The following CPA6 variants were observed in gnomAD, a reference collection of about 807,000 sequenced individuals.
The protein encoded by CPA6 is carboxypeptidase A6.
Under a neutral mutation model 63.3 loss-of-function variants are expected in CPA6, and 58 were observed. That is an observed-to-expected ratio of 0.92 (90% confidence interval 0.74 to 1.14). The LOEUF (loss-of-function observed/expected upper bound fraction) is 1.14, where lower values mean the gene tolerates loss of function less well. Among genes scored for constraint, CPA6 ranks in the 50% most tolerant of loss-of-function variants. The pLI is 0.00. For missense variants in CPA6, 565 were observed against 526.6 expected (o/e 1.07, Z -0.71); for synonymous variants, 185 against 179.0 (o/e 1.03, Z -0.27).
intron 6 of CPA6, 77 bp downstream of exon 6, chr8:67,506,710 C>G (rs1811933494): frequency 2.2e-6 from 2 of 921,210 alleles, no homozygotes; most frequent in Non-Finnish European, 3.6e-6. Context: ...TTCAAATTCC[C>G]ACTTTGTTAA....
chr8:67,714,282 G>A (rs1587723033), intron 1 of CPA6, among the ~76,000 whole-genome samples: 1 of 152,302 alleles, frequency 6.6e-6, no homozygotes, highest in Admixed American at 6.5e-5. Context: ...AGAGTGGAAA[G>A]CGACTAAAAA....
At chr8:67,427,373 T>G (rs192493627) in intron 10 of CPA6, among the ~76,000 whole-genome samples, 1 of 152,354 alleles carries the variant, frequency 6.6e-6, no homozygotes, top group Non-Finnish European at 1.5e-5. Flanking sequence ...CTTTGGCCAC[T>G]TCTTTGGACT....
At chr8:67,525,107 A>T (rs1812335549) in intron 2 of CPA6, among the ~76,000 whole-genome samples, 1 of 152,182 alleles carries the variant, frequency 6.6e-6, no homozygotes, top group East Asian at 1.9e-4. Flanking sequence ...GCTGACAGGG[A>T]AACTTGGCCA....
In CPA6 at chr8:67,458,290, A is replaced by G. The variant is rs531452292; in HGVS notation, c.839-24050T>C. On this transcript the variant is annotated intron_variant, in intron 8 of 10. Transcript: ENST00000297770. Reference sequence around the variant, plus strand: ...CGGCTCACTGCAACCTCCACCTCCCAGGTTCAAGTGATTCTCGTGCCTCAC... The same window carrying G: ...CGGCTCACTGCAACCTCCACCTCCCGGGTTCAAGTGATTCTCGTGCCTCAC... Among the ~76,000 whole-genome samples the G allele has an allele frequency of 1.4e-4, 21 of 152,246 alleles. No homozygotes were observed. In the South Asian group the frequency reaches 3.9e-3, roughly 29 times the overall value.
At chr8:67,503,043 ATTTG>A (rs1489620399) in intron 6 of CPA6, among the ~76,000 whole-genome samples, 2 of 151,638 alleles carry the variant, frequency 1.3e-5, no homozygotes, top group African/African-American at 2.4e-5. Flanking sequence ...TTATTTATTT[ATTTG>A]TTTATTTTTG....
intron 1 of CPA6, among the ~76,000 whole-genome samples, chr8:67,704,052 C>T (rs1817081927): frequency 6.6e-6 from 1 of 152,282 alleles, no homozygotes. Context: ...TCCAGAGGTT[C>T]CTCCTTTATG....
chr8:67,569,575 T>C (rs1338475223), intron 2 of CPA6: 1 of 463,720 alleles, frequency 2.2e-6, no homozygotes, highest in Non-Finnish European at 4.4e-6. Context: ...ACAAGCCCAG[T>C]TGTCAGCAGC....
chr8:67,635,466 CTT>C (rs1815446441), intron 1 of CPA6, among the ~76,000 whole-genome samples: 1 of 151,606 alleles, frequency 6.6e-6, no homozygotes, highest in Admixed American at 6.6e-5. Context: ...ATATGGAACA[CTT>C]TATATAAAAG....
chr8:67,707,632 G>C (rs985221247), intron 1 of CPA6, among the ~76,000 whole-genome samples: 3 of 152,192 alleles, frequency 2.0e-5, no homozygotes, highest in African/African-American at 7.2e-5. Context: ...CTTAAGGCTG[G>C]GTGTGGTGGC....
At chr8:67,495,109 T>C (rs545756840) in intron 6 of CPA6, among the ~76,000 whole-genome samples, 1 of 152,314 alleles carries the variant, frequency 6.6e-6, no homozygotes, top group East Asian at 1.9e-4. Context: ...ACTTGCTGAA[T>C]AAATTAATCA....
At chr8:67,729,727 A>G (rs1817670525) in intron 1 of CPA6, among the ~76,000 whole-genome samples, 3 of 152,226 alleles carry the variant, frequency 2.0e-5, no homozygotes, top group Non-Finnish European at 4.4e-5. Flanking sequence ...CAAATTATTA[A>G]ATAAATATCC....
intron 6 of CPA6, among the ~76,000 whole-genome samples, chr8:67,490,109 A>G (rs557664486): frequency 1.3e-5 from 2 of 152,336 alleles, no homozygotes; most frequent in Admixed American, 6.5e-5. Flanking sequence ...TAAATACTGA[A>G]CAGGACATTT....
At chr8:67,673,394 T>TA (rs1333289901) in intron 1 of CPA6, among the ~76,000 whole-genome samples, 109 of 143,582 alleles carry the variant, frequency 7.6e-4, no homozygotes, top group African/African-American at 1.7e-3. Flanking sequence ...ATTTATTTTT[T>TA]TTTTTTTGAG....
intron 2 of CPA6, among the ~76,000 whole-genome samples, chr8:67,530,311 G>A (rs1812452060): frequency 6.6e-6 from 1 of 151,494 alleles, no homozygotes. Flanking sequence ...GACATAATCA[G>A]AAAATTAATA....
chr8:67,452,017 C>A lies in CPA6; in HGVS notation c.839-17777G>T, dbSNP rs906574080. Among the ~76,000 whole-genome samples, 37 of 152,316 alleles carry A rather than the reference C, an allele frequency of 2.4e-4. 1 individual carries two copies. Among genetic ancestry groups the A allele is most frequent in the Admixed American group, 1.4e-3 (22 of 15,300 alleles). ...TCAAGAAAATACGGAGTGATAACTT[C>A]ATGACTAAGCATTTTCATAGAGAAA... On this transcript the variant is annotated intron_variant, in intron 8 of 10. Transcript: ENST00000297770.
At chr8:67,604,468 T>C (rs938212379) in intron 2 of CPA6, among the ~76,000 whole-genome samples, 2 of 152,174 alleles carry the variant, frequency 1.3e-5, no homozygotes, top group African/African-American at 4.8e-5. Flanking sequence ...AAAATTACAT[T>C]GCGTCCCTTA....
chr8:67,651,846 C>T (rs575753901), intron 1 of CPA6, among the ~76,000 whole-genome samples: 9 of 152,148 alleles, frequency 5.9e-5, no homozygotes, highest in African/African-American at 2.2e-4. Context: ...CACCCATTAA[C>T]TCGTCATTTA....
chr8:67,575,956 T>C (rs903566854), intron 2 of CPA6, among the ~76,000 whole-genome samples: 12 of 152,154 alleles, frequency 7.9e-5, no homozygotes, highest in African/African-American at 2.4e-4. Flanking sequence ...AAATAATACA[T>C]GTTCTCACTT....
intron 1 of CPA6, among the ~76,000 whole-genome samples, chr8:67,655,970 A>G (rs1815974706): frequency 6.6e-6 from 1 of 152,060 alleles, no homozygotes; most frequent in Admixed American, 6.6e-5. Context: ...CCTGGACGTA[A>G]AATACTTGGT....
Sources: allele counts gnomAD v4.1 joint callset (sites outside exome capture counted in the v4.1 genomes callset), GRCh38; gene constraint gnomAD v4.1.1; transcripts MANE v1.5; gene names NCBI Gene and HGNC (gene_info 2026-07-23, HGNC 2026-07-21).